Variants in DCC observed in about 807,000 individuals in gnomAD.
DCC encodes DCC netrin 1 receptor, also known as netrin receptor DCC.
DCC carries 58 observed loss-of-function variants against 172.5 expected under a neutral mutation model. The ratio of observed to expected loss-of-function variants is 0.34; its 90% CI spans 0.27 to 0.42. The LOEUF is 0.42. Ranked by LOEUF, DCC falls within the 10% of genes least tolerant of loss-of-function variation. The probability of loss-of-function intolerance (pLI) is 1.00; values close to 1 mark genes in which losing one functional copy is unlikely to be tolerated. For missense variants in DCC, 1,740 were observed against 1,791.0 expected (o/e 0.97, Z 0.51); for synonymous variants, 709 against 644.5 (o/e 1.10, Z -1.52).
chr18:52,529,490 C>T (rs1397057303), intron 1 of DCC, among the ~76,000 whole-genome samples: 1 of 152,160 alleles, frequency 6.6e-6, no homozygotes, highest in Non-Finnish European at 1.5e-5. Context: ...CAGGGTTTCC[C>T]CGTGTTAGCC....
chr18:52,700,893 G>A (rs1370175328), intron 1 of DCC, among the ~76,000 whole-genome samples: 1 of 152,146 alleles, frequency 6.6e-6, no homozygotes, highest in Non-Finnish European at 1.5e-5. Flanking sequence ...ACGTGATATT[G>A]GTTGACTAGC....
chr18:52,340,499 C>T lies in DCC; in HGVS notation c.-289C>T. On this transcript the variant is annotated 5_prime_UTR_variant, in exon 1 of 29. Coordinates refer to ENST00000442544, the MANE Select transcript of DCC (RefSeq NM_005215.4). ...TCCCTCCTCTGGCTCCCTCCGTTTC[C>T]TTGAGTTAGTTTTCTAAGGTTTTAC... 1 of 509,982 alleles carries T rather than the reference C, an allele frequency of 2.0e-6. No homozygotes were observed. The highest frequency in any genetic ancestry group is 3.6e-6 in the Non-Finnish European group (1 of 280,940). 31.6% of individuals were successfully genotyped at this position (509,982 alleles called of 1,614,324 possible).
At chr18:52,663,578 T>A (rs1352474766) in intron 1 of DCC, among the ~76,000 whole-genome samples, 1 of 152,126 alleles carries the variant, frequency 6.6e-6, no homozygotes, top group Admixed American at 6.5e-5. Context: ...AAAACAAAAA[T>A]TTTTATAAGA....
chr18:53,339,194 T>A (rs748074553), intron 14 of DCC, among the ~76,000 whole-genome samples: 10 of 152,218 alleles, frequency 6.6e-5, no homozygotes, highest in African/African-American at 9.6e-5. Flanking sequence ...TTTCACTGAT[T>A]TAATAAACCA....
chr18:52,869,351 A>G (rs968138616), intron 2 of DCC, among the ~76,000 whole-genome samples: 1 of 152,186 alleles, frequency 6.6e-6, no homozygotes, highest in African/African-American at 2.4e-5. Context: ...GCTCCTGTCT[A>G]TAGCTGGTCG....
At chr18:53,484,550 G>C (rs2045878876) in intron 25 of DCC, among the ~76,000 whole-genome samples, 1 of 151,890 alleles carries the variant, frequency 6.6e-6, no homozygotes, top group Non-Finnish European at 1.5e-5. Context: ...TCTCTCCTAG[G>C]AATTAACTTC....
intron 5 of DCC, among the ~76,000 whole-genome samples, chr18:53,028,751 A>G (rs1320809295): frequency 6.6e-6 from 1 of 152,184 alleles, no homozygotes; most frequent in Non-Finnish European, 1.5e-5. Flanking sequence ...ACATGCAAAT[A>G]TGCCAAATGT....
At chr18:52,998,479 A>G (rs1221863272) in intron 5 of DCC, among the ~76,000 whole-genome samples, 3 of 152,116 alleles carry the variant, frequency 2.0e-5, no homozygotes. Context: ...ACTGGGAAAT[A>G]AAACAGGCTT....
chr18:53,068,649 T>C (rs539971014), intron 7 of DCC, among the ~76,000 whole-genome samples: 1 of 152,064 alleles, frequency 6.6e-6, no homozygotes, highest in South Asian at 2.1e-4. Flanking sequence ...TGAGCATCCC[T>C]GTACCTGCTC....
chr18:53,093,980 C>T (rs1191372335), intron 7 of DCC, among the ~76,000 whole-genome samples: 1 of 152,088 alleles, frequency 6.6e-6, no homozygotes, highest in Non-Finnish European at 1.5e-5. Flanking sequence ...TAATAGAATA[C>T]CTTGGTAGTG....
At chr18:53,521,125 G>A (rs111395965) in intron 27 of DCC, among the ~76,000 whole-genome samples, 1,644 of 152,180 alleles carry the variant, frequency 0.011, 37 homozygotes, top group African/African-American at 0.038. Context: ...AATATTACTT[G>A]AGAAAAGGCA....
At chr18:52,645,987 G>T (rs992069118) in intron 1 of DCC, among the ~76,000 whole-genome samples, 11 of 151,940 alleles carry the variant, frequency 7.2e-5, no homozygotes, top group Non-Finnish European at 1.6e-4. Flanking sequence ...AGCTACAAAG[G>T]AAAAAAGGAA....
At chr18:53,382,628 A>G (rs752401832) in intron 15 of DCC, among the ~76,000 whole-genome samples, 8 of 152,128 alleles carry the variant, frequency 5.3e-5, no homozygotes, top group Non-Finnish European at 1.2e-4. Flanking sequence ...TAGTAACCTG[A>G]CAGAAATTCA....
intron 14 of DCC, among the ~76,000 whole-genome samples, chr18:53,334,241 A>G (rs2057566189): frequency 6.6e-6 from 1 of 152,116 alleles, no homozygotes; most frequent in African/African-American, 2.4e-5. Flanking sequence ...CAGTAATATC[A>G]ATGAGACCAC....
At position 53,526,700 on chromosome 18, in the gene DCC, G is replaced by A. The variant is rs746472556; in HGVS notation, c.4195G>A (p.Val1399Met). The A allele has an allele frequency of 6.2e-7, 1 of 1,613,536 alleles. No individual in the cohort carries two copies. The highest frequency in any genetic ancestry group is 1.1e-5 in the South Asian group (1 of 91,078). The change falls in exon 28 of 29, where the codon GTG becomes ATG. Residue 1399 changes from valine (V) to methionine (M), a missense_variant. Physicochemically the swap from Val to Met is conservative, Grantham distance 21 (BLOSUM62 1). This residue lies in a region of DCC where 1,732 missense variants were observed against 1,767.4 expected (regional missense o/e 0.98). Coordinates refer to ENST00000442544, the MANE Select transcript of DCC (RefSeq NM_005215.4). ...AAGATCCCCTTTGCTTCCTGTGTCT[G>A]TGCCAACAGCCCCTGAAGTGTCTGA... ...KARSPLLPVSVPTAPEVSEES... is the reference protein window; with the variant it reads ...KARSPLLPVSMPTAPEVSEES...
intron 12 of DCC, among the ~76,000 whole-genome samples, chr18:53,256,837 C>T (rs1465401811): frequency 2.6e-5 from 4 of 152,248 alleles, no homozygotes; most frequent in African/African-American, 7.2e-5. Flanking sequence ...ATTCTTCCTA[C>T]CCATGAGCAT....
chr18:52,630,944 C>T (rs549627077), intron 1 of DCC, among the ~76,000 whole-genome samples: 3 of 152,090 alleles, frequency 2.0e-5, no homozygotes, highest in South Asian at 4.1e-4. Flanking sequence ...GTACTATGCC[C>T]TTAGTATGCC....
chr18:52,762,594 C>A (rs182488518), intron 2 of DCC, among the ~76,000 whole-genome samples: 1 of 152,228 alleles, frequency 6.6e-6, no homozygotes, highest in Admixed American at 6.5e-5. Context: ...GAGGCTGAAG[C>A]AGGAGGATCA....
chr18:53,348,164 C>T (rs894547669), intron 15 of DCC, among the ~76,000 whole-genome samples: 3 of 152,124 alleles, frequency 2.0e-5, no homozygotes, highest in Non-Finnish European at 4.4e-5. Context: ...CCTGTAAAAT[C>T]AAAACCAAGT....
Sources: allele counts gnomAD v4.1 joint callset (sites outside exome capture counted in the v4.1 genomes callset), GRCh38; gene constraint gnomAD v4.1.1; regional missense constraint gnomAD v4.1.1; transcripts MANE v1.5; gene names NCBI Gene and HGNC (gene_info 2026-07-23, HGNC 2026-07-21).